METTL21A: variants seen among roughly 807,000 people sequenced by gnomAD.
METTL21A encodes methyltransferase 21A, HSPA lysine, also known as protein N-lysine methyltransferase METTL21A.
METTL21A carries 22 observed loss-of-function variants against 20.9 expected under a neutral mutation model. That is an observed-to-expected ratio of 1.05 (90% confidence interval 0.75 to 1.50). The LOEUF is 1.50. METTL21A is among the 40% of genes most tolerant of loss of function. METTL21A has a pLI of 0.00. For synonymous variants in METTL21A, 93 were observed against 102.0 expected (o/e 0.91, Z 0.53); for missense variants, 271 against 266.8 (o/e 1.02, Z -0.11).
intron 3 of METTL21A, among the ~76,000 whole-genome samples, chr2:207,584,208 A>G (rs1305406949): frequency 3.3e-5 from 5 of 152,228 alleles, no homozygotes; most frequent in Non-Finnish European, 1.5e-5. Flanking sequence ...CTAACTGTAT[A>G]TTTAACTTTT....
At chr2:207,585,143 T>TG (rs2083595410) in intron 3 of METTL21A, among the ~76,000 whole-genome samples, 1 of 152,118 alleles carries the variant, frequency 6.6e-6, no homozygotes, top group Admixed American at 6.5e-5. Flanking sequence ...ACTATCACAT[T>TG]GGCCACCCAG....
chr2:207,601,576 T>C (rs1004144518), intron 3 of METTL21A: 39 of 204,610 alleles, frequency 1.9e-4, no homozygotes, highest in Non-Finnish European at 1.0e-5. Flanking sequence ...TTAATGAGAC[T>C]TTATCCTCAT....
At chr2:207,588,139 C>CTTT (rs60458575) in intron 3 of METTL21A, among the ~76,000 whole-genome samples, 147,183 of 152,198 alleles carry the variant, frequency 0.97, 71,377 homozygotes, top group East Asian at 1. Context: ...ACACAGACTT[C>CTTT]GTTTTCCTCT....
chr2:207,592,279 C>T (rs148110076), intron 3 of METTL21A, among the ~76,000 whole-genome samples: 2,135 of 151,976 alleles, frequency 0.014, 20 homozygotes, highest in Admixed American at 0.02. Flanking sequence ...TGGTGGCACA[C>T]GCCTGTAGTC....
chr2:207,595,514 G>A (rs1438958819), intron 3 of METTL21A, among the ~76,000 whole-genome samples: 7 of 150,794 alleles, frequency 4.6e-5, no homozygotes, highest in African/African-American at 1.7e-4. Context: ...TCGACCTCCC[G>A]GCCTCCAACC....
downstream of METTL21A, chr2:207,580,932 CGTG>C (rs2082886116): frequency 4.6e-6 from 1 of 216,972 alleles, no homozygotes; most frequent in Non-Finnish European, 9.3e-6. Context: ...TACATCTACT[CGTG>C]ATCTGTTAGC....
At chr2:207,586,735 G>A (rs1025258408) in intron 3 of METTL21A, among the ~76,000 whole-genome samples, 2 of 152,048 alleles carry the variant, frequency 1.3e-5, no homozygotes, top group African/African-American at 4.8e-5. Context: ...TTAAAAAGTG[G>A]ACAAAAGGTC....
At chr2:207,580,809 G>A (rs1302092700), downstream of METTL21A, 8 of 223,284 alleles carry the variant, frequency 3.6e-5, no homozygotes, top group South Asian at 3.7e-4. Context: ...GTCAGTTGCT[G>A]TGGCTCTCCT....
chr2:207,597,891 G>T (rs964320091), intron 3 of METTL21A: 2 of 188,182 alleles, frequency 1.1e-5, no homozygotes, highest in Non-Finnish European at 2.2e-5. Context: ...ATGCTGATCA[G>T]TAAACCAATC....
chr2:207,600,487 A>G (rs1032778898), intron 3 of METTL21A: 53 of 202,994 alleles, frequency 2.6e-4, no homozygotes, highest in African/African-American at 1.1e-3. Context: ...ATACTTTTAA[A>G]TATGTTACTA....
intron 3 of METTL21A, among the ~76,000 whole-genome samples, chr2:207,587,332 G>T (rs1172237019): frequency 1.3e-5 from 2 of 151,296 alleles, no homozygotes; most frequent in Non-Finnish European, 2.9e-5. Context: ...GGCAGAGCTT[G>T]CAGTGAGCCG....
At chr2:207,622,000 C>A (rs1298961569) in intron 2 of METTL21A, 83 bp from the exon 3 acceptor site, 5 of 1,157,696 alleles carry the variant, frequency 4.3e-6, no homozygotes, top group Admixed American at 1.8e-5. Flanking sequence ...TACACCCACC[C>A]CTCTCCCACT....
intron 3 of METTL21A, among the ~76,000 whole-genome samples, chr2:207,614,879 C>A (rs1330196606): frequency 2.6e-5 from 4 of 152,196 alleles, no homozygotes; most frequent in Non-Finnish European, 5.9e-5. Context: ...TCATAAAATT[C>A]TTTCCATTTG....
chr2:207,613,414 C>G, exon 4 of METTL21A: 2 of 1,602,396 alleles, frequency 1.2e-6, no homozygotes, highest in Non-Finnish European at 1.7e-6. Flanking sequence ...TCTAATGCTA[C>G]TTTTCGATCC....
chr2:207,620,243 A>C (rs1460383311), intron 3 of METTL21A, among the ~76,000 whole-genome samples: 1 of 152,176 alleles, frequency 6.6e-6, no homozygotes, highest in Non-Finnish European at 1.5e-5. Flanking sequence ...CAGGAGTTCG[A>C]GACCAGCCTG....
At chr2:207,590,354 T>C (rs1228878459) in intron 3 of METTL21A, among the ~76,000 whole-genome samples, 1 of 150,428 alleles carries the variant, frequency 6.6e-6, no homozygotes, top group Non-Finnish European at 1.5e-5. Flanking sequence ...GCCACCCTCC[T>C]TTTTTTTTAA....
chr2:207,600,906 T>C (rs2086934865), intron 3 of METTL21A: 1 of 202,096 alleles, frequency 4.9e-6, no homozygotes, highest in South Asian at 1.9e-4. Flanking sequence ...TTACTTGAAG[T>C]GACTTCAATC....
chr2:207,603,785 T>A (rs1193519604), intron 3 of METTL21A, among the ~76,000 whole-genome samples: 2 of 152,172 alleles, frequency 1.3e-5, no homozygotes, highest in Admixed American at 6.5e-5. Flanking sequence ...ATTCTAAAAC[T>A]CTGTGATCAT....
intron 3 of METTL21A, among the ~76,000 whole-genome samples, chr2:207,616,586 T>C (rs1268364477): frequency 6.6e-6 from 1 of 152,224 alleles, no homozygotes; most frequent in Non-Finnish European, 1.5e-5. Flanking sequence ...GACTCACGCC[T>C]GTAATCTCAG....
Sources: gnomAD v4.1 joint callset for allele counts (sites outside exome capture counted in the v4.1 genomes callset) on GRCh38, gnomAD v4.1.1 for gene constraint, MANE v1.5 for transcripts, NCBI Gene and HGNC (gene_info 2026-07-23, HGNC 2026-07-21) for gene names.